SPIDR: variants seen among roughly 807,000 people sequenced by gnomAD.
The protein encoded by SPIDR is DNA repair-scaffolding protein.
SPIDR carries 93 observed loss-of-function variants against 104.6 expected under a neutral mutation model. That is an observed-to-expected ratio of 0.89 (90% CI 0.75 to 1.06). SPIDR has a LOEUF of 1.06. Among genes scored for constraint, SPIDR ranks in the 50% least tolerant of loss-of-function variants. SPIDR has a pLI of 0.00. For missense variants in SPIDR, 1,154 were observed against 1,111.2 expected, an observed-to-expected ratio of 1.04 and a Z score of -0.55; for synonymous variants, 431 against 416.9, an observed-to-expected ratio of 1.03 and a Z score of -0.41.
intron 5 of SPIDR, among the ~76,000 whole-genome samples, chr8:47,356,035 G>A (rs2054476401): frequency 6.6e-6 from 1 of 152,128 alleles, no homozygotes; most frequent in African/African-American, 2.4e-5. Context: ...TGAGGGCCAG[G>A]ATCATCATGA....
At chr8:47,443,562 C>A (rs797024887) in intron 8 of SPIDR, among the ~76,000 whole-genome samples, 18 of 141,402 alleles carry the variant, frequency 1.3e-4, no homozygotes, top group African/African-American at 4.9e-4. Flanking sequence ...CAGAGCAAGA[C>A]CCTGTCGCCA....
At chr8:47,319,567 A>T (rs958420031) in intron 5 of SPIDR, among the ~76,000 whole-genome samples, 1 of 152,196 alleles carries the variant, frequency 6.6e-6, no homozygotes, top group African/African-American at 2.4e-5. Context: ...ATATCCAGGT[A>T]TTGTACTCAA....
intron 7 of SPIDR, among the ~76,000 whole-genome samples, chr8:47,420,564 A>T (rs2065249900): frequency 6.6e-6 from 1 of 152,096 alleles, no homozygotes; most frequent in Admixed American, 6.6e-5. Context: ...TTGACTCTTT[A>T]TCCAATTTGC....
At chr8:47,323,163 A>T (rs561930771) in intron 5 of SPIDR, among the ~76,000 whole-genome samples, 3 of 152,262 alleles carry the variant, frequency 2.0e-5, no homozygotes, top group Non-Finnish European at 4.4e-5. Context: ...ATAAACTGTC[A>T]TAGCTAAATA....
intron 3 of SPIDR, among the ~76,000 whole-genome samples, chr8:47,286,077 T>A (rs999804909): frequency 2.0e-5 from 3 of 152,190 alleles, no homozygotes; most frequent in Non-Finnish European, 4.4e-5. Flanking sequence ...AGAGTCCTGG[T>A]CTCTGAGGTT....
chr8:47,493,917 T>A (rs2079080119), intron 8 of SPIDR, among the ~76,000 whole-genome samples: 1 of 152,160 alleles, frequency 6.6e-6, no homozygotes, highest in African/African-American at 2.4e-5. Context: ...AGAGCATCCC[T>A]TTAAAACAAT....
At chr8:47,320,939 G>A (rs536812055) in intron 5 of SPIDR, among the ~76,000 whole-genome samples, 54 of 152,228 alleles carry the variant, frequency 3.5e-4, no homozygotes, top group Admixed American at 5.2e-4. Flanking sequence ...GTATTGATGG[G>A]ACGTATCTCA....
intron 7 of SPIDR, among the ~76,000 whole-genome samples, chr8:47,424,387 C>G (rs1554683191): frequency 6.6e-6 from 1 of 152,184 alleles, no homozygotes; most frequent in East Asian, 1.9e-4. Context: ...TCACTGCAGC[C>G]TTAACCGCCT....
chr8:47,366,568 G>A (rs1471631765), intron 5 of SPIDR, among the ~76,000 whole-genome samples: 1 of 152,200 alleles, frequency 6.6e-6, no homozygotes, highest in Non-Finnish European at 1.5e-5. Context: ...AAGATTGGTT[G>A]TTGAATTAGT....
chr8:47,492,225 A>T (rs1471524179), intron 8 of SPIDR, among the ~76,000 whole-genome samples: 2 of 152,162 alleles, frequency 1.3e-5, no homozygotes, highest in Non-Finnish European at 2.9e-5. Context: ...AGTGCATGGT[A>T]TGACTCTCCC....
intron 8 of SPIDR, among the ~76,000 whole-genome samples, chr8:47,558,877 A>T (rs2056709944): frequency 6.6e-6 from 1 of 152,102 alleles, no homozygotes; most frequent in South Asian, 2.1e-4. Context: ...TGACCTCGTG[A>T]TCCACCCGCC....
chr8:47,270,489 T>C (rs1278729879), intron 1 of SPIDR, among the ~76,000 whole-genome samples: 3 of 152,302 alleles, frequency 2.0e-5, no homozygotes, highest in African/African-American at 7.2e-5. Flanking sequence ...TTCCTCACTT[T>C]CTTCTATTCC....
At chr8:47,584,494 G>A (rs568302699) in intron 8 of SPIDR, among the ~76,000 whole-genome samples, 59 of 152,268 alleles carry the variant, frequency 3.9e-4, no homozygotes, top group Non-Finnish European at 1.0e-4. Flanking sequence ...AAGGTTTAAA[G>A]CAACAAACTA....
intron 16 of SPIDR, among the ~76,000 whole-genome samples, chr8:47,726,311 A>C (rs992262913): frequency 6.6e-6 from 1 of 152,258 alleles, no homozygotes; most frequent in African/African-American, 2.4e-5. Flanking sequence ...CTCTAAAGAT[A>C]AATTTTCTCC....
intron 10 of SPIDR, among the ~76,000 whole-genome samples, chr8:47,601,567 G>A (rs894510639): frequency 1.3e-5 from 2 of 152,196 alleles, no homozygotes; most frequent in Non-Finnish European, 2.9e-5. Context: ...GGTGGTGCGT[G>A]CCTGCAGTCC....
chr8:47,676,533 A>G (rs1220360247), intron 11 of SPIDR, among the ~76,000 whole-genome samples: 3 of 151,586 alleles, frequency 2.0e-5, no homozygotes, highest in Admixed American at 2.0e-4. Context: ...TTTTTTTCCA[A>G]ATTATTGTGT....
intron 11 of SPIDR, among the ~76,000 whole-genome samples, chr8:47,685,513 A>ATTTTTTTTTTTTTTTTT (rs376980650): frequency 5.0e-5 from 6 of 120,970 alleles, no homozygotes; most frequent in Non-Finnish European, 1.1e-4. Flanking sequence ...TTATTTATTT[A>ATTTTTTTTTTTTTTTTT]TTTATTTTTT....
At chr8:47,391,995 CAA>C (rs556134389) in intron 5 of SPIDR, among the ~76,000 whole-genome samples, 4 of 46,482 alleles carry the variant, frequency 8.6e-5, no homozygotes, top group Non-Finnish European at 1.5e-4. Context: ...GACTCCGTCT[CAA>C]AAAAAAAAAA....
At chr8:47,520,378 T>C (rs559395857) in intron 8 of SPIDR, among the ~76,000 whole-genome samples, 1 of 152,352 alleles carries the variant, frequency 6.6e-6, no homozygotes. Context: ...GTGTCTGATA[T>C]GAATTGAACA....
Sources: gnomAD v4.1 joint callset for allele counts (sites outside exome capture counted in the v4.1 genomes callset) on GRCh38, gnomAD v4.1.1 for gene constraint, MANE v1.5 for transcripts, NCBI Gene and HGNC (gene_info 2026-07-23, HGNC 2026-07-21) for gene names.